SLC9A8: variants seen among roughly 807,000 people sequenced by gnomAD.
SLC9A8 encodes the protein sodium/hydrogen exchanger 8.
SLC9A8 carries 48 observed loss-of-function variants against 66.6 expected under a neutral mutation model. The ratio of observed to expected loss-of-function variants is 0.72; its 90% CI spans 0.57 to 0.92. The LOEUF is 0.92. Among genes scored for constraint, SLC9A8 ranks in the 40% least tolerant of loss-of-function variants. The pLI is 0.00. For synonymous variants in SLC9A8, 274 were observed against 282.6 expected (o/e 0.97, Z 0.31); for missense variants, 599 against 747.3 (o/e 0.80, Z 2.31).
At position 49,855,506 on chromosome 20, in the gene SLC9A8, A is replaced by G; in HGVS notation, c.638A>G (p.His213Arg). ...ACTATTGCCATTTTCAATGCACTTCATGTGGACCCCGTGCTCAACATGCTG... is the reference window on the plus strand; with the variant it reads ...ACTATTGCCATTTTCAATGCACTTCGTGTGGACCCCGTGCTCAACATGCTG... ...VATIAIFNAL[H>R]VDPVLNMLVF... is the part of the protein sequence containing the mutation. The change falls in exon 8 of 16, where the codon CAT (histidine) becomes CGT (arginine). Residue 213 changes from histidine (H) to arginine (R), a missense_variant. Around this residue, in one of 2 missense-constraint regions of SLC9A8, gnomAD observed 467 missense variants for 626.5 expected, o/e 0.75. Coordinates refer to ENST00000361573, the MANE Select transcript of SLC9A8 (RefSeq NM_015266.3). The G allele has an allele frequency of 2.5e-6, 4 of 1,614,090 alleles. No individual in the cohort carries two copies. Among genetic ancestry groups the G allele is most frequent in the Non-Finnish European group, 3.4e-6 (4 of 1,179,992 alleles).
intron 2 of SLC9A8, among the ~76,000 whole-genome samples, chr20:49,816,433 A>C (rs2086551832): frequency 6.6e-6 from 1 of 151,402 alleles, no homozygotes; most frequent in Admixed American, 6.6e-5. Context: ...AAAAAAAAAC[A>C]AAAAAAACCA....
intron 2 of SLC9A8, among the ~76,000 whole-genome samples, chr20:49,819,223 T>C (rs1433140954): frequency 6.6e-6 from 1 of 152,234 alleles, no homozygotes; most frequent in African/African-American, 2.4e-5. Context: ...AATGGAGTTA[T>C]TATGATTGAT....
At chr20:49,833,810 G>A (rs2087312797) in intron 3 of SLC9A8, among the ~76,000 whole-genome samples, 1 of 152,164 alleles carries the variant, frequency 6.6e-6, no homozygotes, top group African/African-American at 2.4e-5. Flanking sequence ...ATCATTAATT[G>A]CTCCTGATCC....
chr20:49,813,066 A>G (rs1297580066), intron 1 of SLC9A8, 118 bp downstream of exon 1: 17 of 560,100 alleles, frequency 3.0e-5, no homozygotes, highest in Non-Finnish European at 4.1e-5. Flanking sequence ...CTGGTTGGCC[A>G]GGACTGACCA....
chr20:49,857,857 C>T (rs971825894), intron 8 of SLC9A8, among the ~76,000 whole-genome samples: 1 of 152,136 alleles, frequency 6.6e-6, no homozygotes, highest in East Asian at 1.9e-4. Flanking sequence ...TTTGCCCTTC[C>T]TTTGCAGGAG....
At position 49,886,971 on chromosome 20, in the gene SLC9A8, G is replaced by A. The variant is rs541358585; in HGVS notation, c.1638+73G>A. The A allele has an allele frequency of 9.9e-6, 15 of 1,516,368 alleles. No homozygotes were observed. The highest frequency in any genetic ancestry group is 1.9e-5 in the Admixed American group (1 of 52,530). The allele number at this position is 1,516,368 out of a possible 1,614,324, so 93.9% of individuals were successfully genotyped here. ...CCTTCAGGACCTGCGGTGGCCCAGGGTGGGGTGGAGGAAGAGTGGGGAGGC... is the reference window on the plus strand; with the variant it reads ...CCTTCAGGACCTGCGGTGGCCCAGGATGGGGTGGAGGAAGAGTGGGGAGGC... On this transcript the variant is annotated intron_variant, in intron 15 of 15. Coordinates refer to ENST00000361573, the MANE Select transcript of SLC9A8 (RefSeq NM_015266.3). The surrounding 1 kb of genome is among the most constrained non-coding windows in gnomAD (Gnocchi z 4.8).
intron 2 of SLC9A8, among the ~76,000 whole-genome samples, chr20:49,819,174 A>G (rs904850586): frequency 1.6e-4 from 24 of 152,240 alleles, no homozygotes; most frequent in African/African-American, 5.8e-4. Flanking sequence ...TTAACAATTA[A>G]CATTATTTGA....
chr20:49,836,226 G>A (rs750021782), intron 3 of SLC9A8, among the ~76,000 whole-genome samples: 1 of 152,140 alleles, frequency 6.6e-6, no homozygotes, highest in Non-Finnish European at 1.5e-5. Flanking sequence ...ATTCTTCCAT[G>A]TTCTGGCAGG....
chr20:49,888,049 A>C lies in SLC9A8; in HGVS notation c.*113A>C. The C allele has an allele frequency of 1.2e-6, 1 of 822,244 alleles. No homozygotes were observed. Among genetic ancestry groups the C allele is most frequent in the Non-Finnish European group, 2.0e-6 (1 of 498,304 alleles). The allele number at this position is 822,244 out of a possible 1,614,324, so 50.9% of individuals were successfully genotyped here. ...GCATCCAGCAGCCCCTTCAAGACAT[A>C]AGAGGGCGGGGCGAGGTACTGGCTG... On this transcript the variant is annotated 3_prime_UTR_variant, in exon 16 of 16. Coordinates refer to ENST00000361573, the MANE Select transcript of SLC9A8 (RefSeq NM_015266.3).
At chr20:49,853,811 C>T (rs2088351055) in intron 7 of SLC9A8, among the ~76,000 whole-genome samples, 2 of 152,204 alleles carry the variant, frequency 1.3e-5, no homozygotes. Flanking sequence ...GAACTGAATC[C>T]TCAGCCTGGG....
chr20:49,812,831 C>A lies in SLC9A8; in HGVS notation c.-92C>A. Reference sequence around the variant, plus strand: ...CGCGGCCGAGGCCCCGCCTCCCGCTCGCCCGCCCGCGCCTCCAGCGGAAGC... The same window carrying A: ...CGCGGCCGAGGCCCCGCCTCCCGCTAGCCCGCCCGCGCCTCCAGCGGAAGC... On this transcript the variant is annotated 5_prime_UTR_variant, in exon 1 of 16. Coordinates refer to ENST00000361573, the MANE Select transcript of SLC9A8 (RefSeq NM_015266.3). 9 of 1,427,478 alleles carry A rather than the reference C, an allele frequency of 6.3e-6. No individual in the cohort carries two copies. Among genetic ancestry groups the A allele is most frequent in the Non-Finnish European group, 8.4e-6 (9 of 1,074,610 alleles). 88.4% of individuals were successfully genotyped at this position (1,427,478 alleles called of 1,614,324 possible).
Position 49,830,848 on chromosome 20 carries a change from AG to A in SLC9A8, c.289+7710del. On this transcript the variant is annotated intron_variant, in intron 3 of 15. Transcript: ENST00000361573. ...CAGACACTCTTGGACATCCTCAATC[AG>A]GGACAGTTGGCCAGCATCTTCCTAG... 4.2e-6 allele frequency: 6 copies of A among 1,443,186 alleles called. No individual in the cohort carries two copies. In the South Asian group the frequency reaches 6.8e-5, roughly 16 times the overall value. The allele number at this position is 1,443,186 out of a possible 1,614,324, so 89.4% of individuals were successfully genotyped here.
chr20:49,876,384 G>A (rs1402667663), intron 11 of SLC9A8, among the ~76,000 whole-genome samples: 1 of 152,160 alleles, frequency 6.6e-6, no homozygotes, highest in Non-Finnish European at 1.5e-5. Flanking sequence ...TGGCCTTGGC[G>A]TGTGGAAAAC....
chr20:49,865,256 CT>C (rs1212610069), intron 10 of SLC9A8, among the ~76,000 whole-genome samples: 2 of 152,144 alleles, frequency 1.3e-5, no homozygotes, highest in African/African-American at 4.8e-5. Flanking sequence ...AACTAGTTGT[CT>C]TGGAGTCAAG....
At chr20:49,845,523 C>T (rs1392879373) in intron 5 of SLC9A8, among the ~76,000 whole-genome samples, 1 of 152,198 alleles carries the variant, frequency 6.6e-6, no homozygotes, top group Non-Finnish European at 1.5e-5. Flanking sequence ...TCAGCTCCCC[C>T]ACTGGGGCCT....
intron 4 of SLC9A8, among the ~76,000 whole-genome samples, chr20:49,842,960 G>A (rs906999416): frequency 2.0e-5 from 3 of 152,124 alleles, no homozygotes; most frequent in Non-Finnish European, 4.4e-5. Flanking sequence ...TGCTCACATG[G>A]CATTCTTCTC....
At chr20:49,855,701 T>G (rs2088448180) in intron 8 of SLC9A8, 120 bp downstream of exon 8, 3 of 891,098 alleles carry the variant, frequency 3.4e-6, no homozygotes, top group East Asian at 5.4e-5. Flanking sequence ...GGTGATCAGT[T>G]CACCCACTCT....
intron 7 of SLC9A8, among the ~76,000 whole-genome samples, chr20:49,854,974 G>A (rs2088410332): frequency 6.6e-6 from 1 of 152,230 alleles, no homozygotes; most frequent in African/African-American, 2.4e-5. Context: ...GCACACTGGG[G>A]TTGCTGCTGC....
In SLC9A8 at chr20:49,887,912, G is replaced by A. The variant is rs1568890228; in HGVS notation, c.1722G>A (p.Glu574=). 6.2e-7 allele frequency: 1 copy of A among 1,613,842 alleles called. No individual in the cohort carries two copies. The highest frequency in any genetic ancestry group is 8.5e-7 in the Non-Finnish European group (1 of 1,179,920). The change falls in exon 16 of 16, where the codon GAG becomes GAA. Residue 574 remains glutamate (E), a synonymous_variant. Coordinates refer to ENST00000361573, the MANE Select transcript of SLC9A8 (RefSeq NM_015266.3). Reference sequence around the variant, plus strand: ...TACGCCAGGGCCCCTCCGGCTCCGAGGACGACGAGCAGGAGCTGCTCTGAC... The same window carrying A: ...TACGCCAGGGCCCCTCCGGCTCCGAAGACGACGAGCAGGAGCTGCTCTGAC... The part of the protein sequence containing the change: ...EEVRQGPSGS[E]DDEQELL
Sources: allele counts gnomAD v4.1 joint callset (sites outside exome capture counted in the v4.1 genomes callset), GRCh38; gene constraint gnomAD v4.1.1; regional missense constraint gnomAD v4.1.1; non-coding constraint Gnocchi (gnomAD v3.1); transcripts MANE v1.5; gene names NCBI Gene and HGNC (gene_info 2026-07-23, HGNC 2026-07-21).